The following CYTH3 variants were observed in gnomAD, a reference collection of about 807,000 sequenced individuals.
CYTH3 encodes cytohesin 3.
CYTH3 carries 23 observed loss-of-function variants against 55.1 expected under a neutral mutation model. The observed-to-expected ratio is 0.42, with a 90% CI of 0.30 to 0.59. The LOEUF is 0.59. Ranked by LOEUF, CYTH3 falls within the 20% of genes least tolerant of loss-of-function variation. The probability of loss-of-function intolerance (pLI) is 0.20; values close to 1 mark genes in which losing one functional copy is unlikely to be tolerated. For missense variants in CYTH3, 413 were observed against 524.8 expected (o/e 0.79, Z 2.08); for synonymous variants, 249 against 194.9 (o/e 1.28, Z -2.31).
At chr7:6,242,935 C>A (rs759411690) in intron 1 of CYTH3, among the ~76,000 whole-genome samples, 1 of 152,080 alleles carries the variant, frequency 6.6e-6, no homozygotes, top group Non-Finnish European at 1.5e-5. Flanking sequence ...AAAAAAAGAA[C>A]CAGGTGAGGG....
intron 1 of CYTH3, among the ~76,000 whole-genome samples, chr7:6,251,253 C>G (rs1481127008): frequency 6.6e-6 from 1 of 151,022 alleles, no homozygotes; most frequent in Admixed American, 6.6e-5. Flanking sequence ...CCAGCCTGGG[C>G]AACAAGAGCG....
At chr7:6,166,374 C>T (rs1275734756) in intron 9 of CYTH3, among the ~76,000 whole-genome samples, 1 of 152,260 alleles carries the variant, frequency 6.6e-6, no homozygotes, top group African/African-American at 2.4e-5. Flanking sequence ...GACAAACTGA[C>T]TTCAGCTGCT....
chr7:6,180,782 T>C (rs966762862), intron 4 of CYTH3, among the ~76,000 whole-genome samples: 3 of 152,194 alleles, frequency 2.0e-5, no homozygotes, highest in Non-Finnish European at 2.9e-5. Context: ...GTGGCACCAT[T>C]TGACCCACTA....
chr7:6,234,003 C>T (rs1209511570), intron 1 of CYTH3, among the ~76,000 whole-genome samples: 1 of 152,160 alleles, frequency 6.6e-6, no homozygotes, highest in Non-Finnish European at 1.5e-5. Context: ...AGCTAATCAC[C>T]TACAAAGAAC....
chr7:6,235,612 C>A (rs764027257), intron 1 of CYTH3, among the ~76,000 whole-genome samples: 1 of 152,136 alleles, frequency 6.6e-6, no homozygotes, highest in Non-Finnish European at 1.5e-5. Flanking sequence ...CAGAAACCTA[C>A]CACGGGTTCT....
chr7:6,209,945 G>C (rs1784286588), intron 1 of CYTH3, among the ~76,000 whole-genome samples: 1 of 152,188 alleles, frequency 6.6e-6, no homozygotes, highest in East Asian at 1.9e-4. Context: ...GTGGTTGCCA[G>C]GGGTTCAGGG....
intron 5 of CYTH3, among the ~76,000 whole-genome samples, chr7:6,177,434 C>T (rs541999314): frequency 6.6e-6 from 1 of 152,326 alleles, no homozygotes; most frequent in African/African-American, 2.4e-5. Context: ...CACTTTCCAC[C>T]TTTATTCATA....
chr7:6,196,068 C>T (rs1020819661), intron 1 of CYTH3, among the ~76,000 whole-genome samples: 33 of 152,142 alleles, frequency 2.2e-4, no homozygotes, highest in African/African-American at 8.0e-4. Context: ...TAGGCTTCCC[C>T]CAGCAACTGA....
At chr7:6,192,296 T>C (rs1783819258) in intron 1 of CYTH3, among the ~76,000 whole-genome samples, 1 of 152,034 alleles carries the variant, frequency 6.6e-6, no homozygotes, top group Admixed American at 6.6e-5. Flanking sequence ...TGGCTCACTG[T>C]AGCCTTGAAC....
chr7:6,170,053 G>T lies in CYTH3; in HGVS notation c.823+482C>A, dbSNP rs566916872. On this transcript the variant is annotated intron_variant, in intron 9 of 12. Transcript: ENST00000350796. This position sits in a 1 kb window ranked among gnomAD's most constrained non-coding sequence, Gnocchi z 7.8. ...GAGCGAGAGGAATGAGCCGCTGAGG[G>T]GGCGGGGAGCCACTGGGTACCTACC... is the stretch of plus-strand genomic sequence containing the variant. 5.9e-6 allele frequency: 1 copy of T among 169,166 alleles called. No homozygotes were observed. Among genetic ancestry groups the T allele is most frequent in the African/African-American group, 2.4e-5 (1 of 41,752 alleles). 10.5% of individuals were successfully genotyped at this position (169,166 alleles called of 1,614,324 possible).
chr7:6,253,710 G>A (rs961201320), intron 1 of CYTH3, among the ~76,000 whole-genome samples: 1 of 152,120 alleles, frequency 6.6e-6, no homozygotes, highest in Non-Finnish European at 1.5e-5. Flanking sequence ...CAGCTACTGG[G>A]GAGGTTGAGG....
At chr7:6,222,568 A>C (rs1784576060) in intron 1 of CYTH3, among the ~76,000 whole-genome samples, 1 of 152,064 alleles carries the variant, frequency 6.6e-6, no homozygotes, top group Admixed American at 6.6e-5. Context: ...AATACAGTGA[A>C]ACCCCGTCTC....
At chr7:6,259,526 T>C (rs552637458) in intron 1 of CYTH3, among the ~76,000 whole-genome samples, 11 of 151,316 alleles carry the variant, frequency 7.3e-5, no homozygotes, top group East Asian at 5.9e-4. Flanking sequence ...AAGATATTTA[T>C]CCGAAATAAA....
rs191940075 is a variant in CYTH3 at position 6,220,824 on chromosome 7, C to T, written c.35-30293G>A. 5.8e-3 allele frequency among the ~76,000 whole-genome samples: 880 copies of T among 152,132 alleles called. 1 individual carries two copies. The highest frequency in any genetic ancestry group is 9.3e-3 in the Non-Finnish European group (635 of 67,974). On this transcript the variant is annotated intron_variant, in intron 1 of 12. Transcript: ENST00000350796. Reference sequence around the variant, plus strand: ...CAGCCTGGGCAACACGGTGAAACCCCATCTCTACTAAAATACAAAAAATTA... The same window carrying T: ...CAGCCTGGGCAACACGGTGAAACCCTATCTCTACTAAAATACAAAAAATTA...
At position 6,165,292 on chromosome 7, in the gene CYTH3, C is replaced by A. The variant is rs1782959978; in HGVS notation, c.1108G>T (p.Glu370Ter). ...ISAPSPEEKE[E>*]WMKSIKASIS... ...ACTCACTTGATGGATTTCATCCACT[C>A]CTCCTTCTCCTCCGGGCTCGGGGCT... Residue 370 changes from glutamate (E) to a stop codon, truncating the protein, a stop_gained, in exon 12 of 13, where the codon GAG (glutamate) becomes TAG (stop). Transcript: ENST00000350796. LOFTEE classifies it high-confidence loss of function. The A allele has an allele frequency of 6.2e-7, 1 of 1,613,050 alleles. No homozygotes were observed. The highest frequency in any genetic ancestry group is 8.5e-7 in the Non-Finnish European group (1 of 1,179,608).
chr7:6,224,440 A>G (rs1267766651), intron 1 of CYTH3, among the ~76,000 whole-genome samples: 3 of 152,218 alleles, frequency 2.0e-5, no homozygotes, highest in South Asian at 4.1e-4. Context: ...GGACATCCGC[A>G]TGCAAAAGAA....
At chr7:6,199,209 C>A (rs566619721) in intron 1 of CYTH3, among the ~76,000 whole-genome samples, 153 of 152,318 alleles carry the variant, frequency 1.0e-3, no homozygotes, top group African/African-American at 3.6e-3. Context: ...AAACTTAGAT[C>A]TGCAAAATCA....
At chr7:6,176,085 A>G (rs929168443) in intron 5 of CYTH3, among the ~76,000 whole-genome samples, 24 of 151,958 alleles carry the variant, frequency 1.6e-4, no homozygotes, top group African/African-American at 5.6e-4. Context: ...CCATTTATTT[A>G]GGTCTTTTCA....
intron 1 of CYTH3, among the ~76,000 whole-genome samples, chr7:6,232,046 A>C (rs1200731764): frequency 6.6e-6 from 1 of 152,128 alleles, no homozygotes; most frequent in Admixed American, 6.5e-5. Flanking sequence ...CTGCACCCTC[A>C]AGACTTTGCT....
Sources: gnomAD v4.1 joint callset for allele counts (sites outside exome capture counted in the v4.1 genomes callset) on GRCh38, gnomAD v4.1.1 for gene constraint, Gnocchi (gnomAD v3.1) non-coding constraint, MANE v1.5 for transcripts, NCBI Gene and HGNC (gene_info 2026-07-23, HGNC 2026-07-21) for gene names.